The following WWOX variants were observed in gnomAD, a reference collection of about 807,000 sequenced individuals.
The protein encoded by WWOX is WW domain-containing oxidoreductase.
In WWOX, 69 loss-of-function variants were observed where a neutral mutation model predicts 46.2. The observed-to-expected ratio is 1.49, with a 90% confidence interval of 1.23 to 1.82. The LOEUF is 1.82. Among genes scored for constraint, WWOX ranks in the 40% most tolerant of loss-of-function variants. The pLI, the probability that WWOX is intolerant of heterozygous loss-of-function variation, is 0.00. For synonymous variants in WWOX, 359 were observed against 202.6 expected, an observed-to-expected ratio of 1.77 and a Z score of -6.56; for missense variants, 919 against 542.6, an observed-to-expected ratio of 1.69 and a Z score of -6.89.
chr16:79,041,590 C>T (rs1458975523), intron 8 of WWOX, among the ~76,000 whole-genome samples: 1 of 152,050 alleles, frequency 6.6e-6, no homozygotes, highest in South Asian at 2.1e-4. Context: ...TCTGGTTGGC[C>T]TCTGGGAGTA....
At chr16:78,433,820 C>G (rs373333386) in intron 8 of WWOX, among the ~76,000 whole-genome samples, 58 of 117,110 alleles carry the variant, frequency 5.0e-4, no homozygotes, top group African/African-American at 1.6e-3. Context: ...GACGGAGTCT[C>G]GCTCTGTCGC....
chr16:78,421,761 T>C (rs546900153), intron 6 of WWOX, among the ~76,000 whole-genome samples: 95 of 152,350 alleles, frequency 6.2e-4, no homozygotes, highest in Middle Eastern at 3.4e-3. Flanking sequence ...ATCTGCTTTT[T>C]ACAGTCATGT....
At chr16:78,707,209 T>C (rs2048345057) in intron 8 of WWOX, among the ~76,000 whole-genome samples, 2 of 152,312 alleles carry the variant, frequency 1.3e-5, no homozygotes, top group African/African-American at 4.8e-5. Context: ...CTTACTCCCA[T>C]CAGAGCACCA....
chr16:79,066,670 C>T (rs184538074), intron 8 of WWOX, among the ~76,000 whole-genome samples: 1 of 152,346 alleles, frequency 6.6e-6, no homozygotes, highest in East Asian at 1.9e-4. Context: ...CCACTTAATT[C>T]AATCGGCGAA....
intron 8 of WWOX, among the ~76,000 whole-genome samples, chr16:78,856,516 C>A (rs2346807): frequency 4.6e-5 from 7 of 151,884 alleles, no homozygotes; most frequent in Non-Finnish European, 8.8e-5. Flanking sequence ...GGTGGTACAC[C>A]CCTGTAATAG....
rs143781914 is a variant in WWOX at position 78,918,628 on chromosome 16, T to C, written c.1057-292980T>C. 7.3e-3 allele frequency among the ~76,000 whole-genome samples: 1,114 copies of C among 152,344 alleles called. 6 individuals are homozygous for C. The highest frequency in any genetic ancestry group is 0.013 in the Admixed American group (196 of 15,306). ...CTGGCAGGATTTGTATTCTTAGTTT[T>C]ATTACTAATGATAATAACAGTTAAT... On this transcript the variant is annotated intron_variant, in intron 8 of 8. Coordinates refer to ENST00000566780, the MANE Select transcript of WWOX (RefSeq NM_016373.4).
chr16:79,020,061 T>C (rs941454490), intron 8 of WWOX, among the ~76,000 whole-genome samples: 6 of 152,230 alleles, frequency 3.9e-5, no homozygotes, highest in African/African-American at 1.4e-4. Context: ...GCCTTTCTTA[T>C]GTCATCTGCA....
At chr16:78,459,174 A>G (rs2083894254) in intron 8 of WWOX, among the ~76,000 whole-genome samples, 1 of 152,200 alleles carries the variant, frequency 6.6e-6, no homozygotes, top group Non-Finnish European at 1.5e-5. Flanking sequence ...AACCTTAGAG[A>G]TTATCTAGGC....
intron 8 of WWOX, among the ~76,000 whole-genome samples, chr16:78,832,461 C>A (rs529147328): frequency 1.5e-4 from 23 of 152,262 alleles, no homozygotes; most frequent in African/African-American, 5.3e-4. Context: ...GAGAGGGGAA[C>A]CTGGCTCCAC....
At chr16:78,749,587 A>C (rs775045102) in intron 8 of WWOX, among the ~76,000 whole-genome samples, 1 of 152,170 alleles carries the variant, frequency 6.6e-6, no homozygotes, top group Non-Finnish European at 1.5e-5. Flanking sequence ...GTGGGGAAAA[A>C]AAGTGGAGGA....
chr16:78,979,871 A>G (rs2046646923), intron 8 of WWOX, among the ~76,000 whole-genome samples: 1 of 152,202 alleles, frequency 6.6e-6, no homozygotes, highest in South Asian at 2.1e-4. Context: ...GCTCACGTCT[A>G]TAATCCCATT....
intron 8 of WWOX, among the ~76,000 whole-genome samples, chr16:79,066,054 T>G (rs1157681101): frequency 6.6e-6 from 1 of 152,220 alleles, no homozygotes; most frequent in Non-Finnish European, 1.5e-5. Flanking sequence ...GTGGAGCCTT[T>G]GATAATCGCA....
intron 8 of WWOX, among the ~76,000 whole-genome samples, chr16:78,788,219 C>G (rs909817923): frequency 1.3e-5 from 2 of 152,126 alleles, no homozygotes; most frequent in African/African-American, 4.8e-5. Context: ...AATCCATTGC[C>G]AAATCCAAGG....
chr16:78,955,289 T>C (rs1293530874), intron 8 of WWOX, among the ~76,000 whole-genome samples: 1 of 152,128 alleles, frequency 6.6e-6, no homozygotes, highest in East Asian at 1.9e-4. Context: ...TGCCCTAAAA[T>C]AGATATTCTC....
At chr16:79,155,122 A>T (rs1339408993) in intron 8 of WWOX, among the ~76,000 whole-genome samples, 1 of 152,264 alleles carries the variant, frequency 6.6e-6, no homozygotes, top group African/African-American at 2.4e-5. Flanking sequence ...TCACGCCTGT[A>T]ATCCCAGCAC....
chr16:78,596,310 C>G (rs1461395141), intron 8 of WWOX, among the ~76,000 whole-genome samples: 1 of 152,156 alleles, frequency 6.6e-6, no homozygotes. Flanking sequence ...CTGGGTTCTG[C>G]TAGGCCTGGG....
intron 8 of WWOX, among the ~76,000 whole-genome samples, chr16:78,808,142 C>T (rs550276351): frequency 1.3e-5 from 2 of 152,182 alleles, no homozygotes; most frequent in Non-Finnish European, 2.9e-5. Context: ...AACCCCACTC[C>T]TCAATTTTTG....
chr16:78,512,992 C>G (rs572275540), intron 8 of WWOX, among the ~76,000 whole-genome samples: 1 of 152,160 alleles, frequency 6.6e-6, no homozygotes, highest in Admixed American at 6.5e-5. Flanking sequence ...CTGCTTTGCA[C>G]ATTTAGGAGA....
At chr16:78,881,019 G>A (rs2044332539) in intron 8 of WWOX, among the ~76,000 whole-genome samples, 1 of 115,834 alleles carries the variant, frequency 8.6e-6, no homozygotes, top group Non-Finnish European at 1.7e-5. Context: ...TTGAGACAAA[G>A]TCTCGCCCTG....
Sources: gnomAD v4.1 joint callset for allele counts (sites outside exome capture counted in the v4.1 genomes callset) on GRCh38, gnomAD v4.1.1 for gene constraint, MANE v1.5 for transcripts, NCBI Gene and HGNC (gene_info 2026-07-23, HGNC 2026-07-21) for gene names.